The following MFAP1 variants were observed in gnomAD, a reference collection of about 807,000 sequenced individuals.
The protein encoded by MFAP1 is microfibrillar-associated protein 1.
In MFAP1, 18 loss-of-function variants were observed where a neutral mutation model predicts 62.2. The ratio of observed to expected loss-of-function variants is 0.29; its 90% confidence interval spans 0.20 to 0.43. The LOEUF is 0.43. Among genes scored for constraint, MFAP1 ranks in the 20% least tolerant of loss-of-function variants. MFAP1 has a pLI of 1.00. For synonymous variants in MFAP1, 175 were observed against 180.4 expected (o/e 0.97, Z 0.24); for missense variants, 355 against 559.7 (o/e 0.63, Z 3.69).
At chr15:43,822,200 C>CA (rs779775224) in intron 1 of MFAP1, among the ~76,000 whole-genome samples, 20,878 of 65,478 alleles carry the variant, frequency 0.32, 2,563 homozygotes, top group African/African-American at 0.45. Flanking sequence ...AACTCTTTCT[C>CA]AAAAAAAAAA....
rs543733792 is a variant in MFAP1, at chr15:43,818,000, T to A, written c.80-552A>T. On this transcript the variant is annotated intron_variant, in intron 1 of 8. Coordinates refer to ENST00000267812, the MANE Select transcript of MFAP1 (RefSeq NM_005926.3). ...TTATCAAACATGCAAGAGTATGTAATCTCTTACAAATACAATTCTTTTTTT... is the reference window on the plus strand; with the variant it reads ...TTATCAAACATGCAAGAGTATGTAAACTCTTACAAATACAATTCTTTTTTT... Among the ~76,000 whole-genome samples, 3 of 151,900 alleles carry A rather than the reference T, an allele frequency of 2.0e-5. No homozygotes were observed. The East Asian group carries it at 5.8e-4, about 29-fold the overall frequency.
rs142139435 is a variant in MFAP1 at position 43,823,982 on chromosome 15, CTCTA to C, written c.79+505_79+508del. Among the ~76,000 whole-genome samples the C allele has an allele frequency of 9.7e-3, 1,471 of 152,122 alleles. 18 individuals carry two copies. The highest frequency in any genetic ancestry group is 0.033 in the African/African-American group (1,372 of 41,506). ...GCACAATGCCCTGCCAACAGGCATT[CTCTA>C]TCTATCTATCTAGTCTGATATTATA... On this transcript the variant is annotated intron_variant, in intron 1 of 8. Transcript: ENST00000267812.
intron 2 of MFAP1, among the ~76,000 whole-genome samples, chr15:43,816,211 C>T (rs976470354): frequency 6.6e-6 from 1 of 151,432 alleles, no homozygotes; most frequent in African/African-American, 2.4e-5. Context: ...TTTTTCCCCC[C>T]TGGGCACTGT....
chr15:43,810,171 G>T (rs898470303), intron 6 of MFAP1: 12 of 354,566 alleles, frequency 3.4e-5, no homozygotes, highest in African/African-American at 2.3e-4. Flanking sequence ...ATTACTGCTG[G>T]GTTTTCCAAC....
Position 43,804,959 on chromosome 15 carries a change from A to T in MFAP1, c.*135T>A, listed in dbSNP as rs2087352936. ...ACAAAGCACCTTCAAAGTCTGGGCT[A>T]CCCAGTATCACAAGTATAGCAGTAA... On this transcript the variant is annotated 3_prime_UTR_variant, in exon 9 of 9. Transcript: ENST00000267812. The T allele has an allele frequency of 3.1e-6, 3 of 973,224 alleles. No homozygotes were observed. Among genetic ancestry groups the T allele is most frequent in the Non-Finnish European group, 4.5e-6 (3 of 662,338 alleles). The allele number at this position is 973,224 out of a possible 1,614,324, so 60.3% of individuals were successfully genotyped here.
At chr15:43,815,099 A>G in intron 2 of MFAP1, 25 bp from the exon 3 acceptor site, 1 of 1,613,466 alleles carries the variant, frequency 6.2e-7, no homozygotes, top group East Asian at 2.2e-5. Flanking sequence ...CTCCAAATGT[A>G]ACACCAATGT....
At chr15:43,814,443 C>T in intron 4 of MFAP1, 58 bp downstream of exon 4, 2 of 1,517,914 alleles carry the variant, frequency 1.3e-6, no homozygotes, top group Non-Finnish European at 1.8e-6. Flanking sequence ...AGACTTTTGT[C>T]TCCAGGCCTG....
chr15:43,820,188 C>T (rs747974015), intron 1 of MFAP1, among the ~76,000 whole-genome samples: 7 of 151,434 alleles, frequency 4.6e-5, no homozygotes, highest in Non-Finnish European at 1.0e-4. Context: ...TGTGGTGGCA[C>T]GCACCTGTAG....
intron 6 of MFAP1, chr15:43,810,217 CT>C: frequency 5.8e-5 from 15 of 259,824 alleles, no homozygotes; most frequent in East Asian, 7.2e-5. Flanking sequence ...GTCTTCTTAG[CT>C]TTAAAAAAAA....
intron 1 of MFAP1, among the ~76,000 whole-genome samples, chr15:43,817,728 C>G (rs1439332333): frequency 3.3e-5 from 5 of 151,538 alleles, no homozygotes; most frequent in Non-Finnish European, 7.4e-5. Context: ...AGAAAAAAGT[C>G]CCCCCCCAAA....
At chr15:43,810,623 T>C (rs1432136724) in intron 6 of MFAP1, among the ~76,000 whole-genome samples, 1 of 152,172 alleles carries the variant, frequency 6.6e-6, no homozygotes, top group East Asian at 1.9e-4. Context: ...CGCCTTGGCC[T>C]TCCAAAGTGT....
chr15:43,814,416 A>G, intron 4 of MFAP1, 85 bp downstream of exon 4: 1 of 1,449,106 alleles, frequency 6.9e-7, no homozygotes, highest in Non-Finnish European at 9.3e-7. Flanking sequence ...AGATTTCAGA[A>G]TAGCAAGACA....
At chr15:43,810,394 T>C (rs1342283436) in intron 6 of MFAP1, among the ~76,000 whole-genome samples, 2 of 150,584 alleles carry the variant, frequency 1.3e-5, no homozygotes, top group African/African-American at 4.9e-5. Context: ...TGAGATGGAG[T>C]CTTGCTCTGT....
chr15:43,808,626 T>C (rs1322975216), intron 7 of MFAP1, among the ~76,000 whole-genome samples: 4 of 152,250 alleles, frequency 2.6e-5, no homozygotes, highest in Non-Finnish European at 4.4e-5. Flanking sequence ...GTACAAGAAG[T>C]AGTTCATAAT....
At chr15:43,823,227 C>G (rs1008148992) in intron 1 of MFAP1, among the ~76,000 whole-genome samples, 1 of 151,606 alleles carries the variant, frequency 6.6e-6, no homozygotes, top group African/African-American at 2.4e-5. Flanking sequence ...CTCAAGCGAT[C>G]CTCCTGCCTC....
At chr15:43,820,393 C>G (rs899869523) in intron 1 of MFAP1, among the ~76,000 whole-genome samples, 3 of 152,062 alleles carry the variant, frequency 2.0e-5, no homozygotes, top group African/African-American at 7.2e-5. Context: ...CTAGTCAACA[C>G]TGTATTATGG....
chr15:43,809,322 TAAAAAAAAAATAACCA>T (rs1172022252), intron 7 of MFAP1, among the ~76,000 whole-genome samples: 75 of 91,232 alleles, frequency 8.2e-4, no homozygotes, highest in Non-Finnish European at 1.4e-3. Context: ...TACGAAAAAT[TAAAAAAAAAATAACCA>T]AAAAAAAAAA....
chr15:43,820,215 G>A (rs1300973064), intron 1 of MFAP1, among the ~76,000 whole-genome samples: 1 of 152,146 alleles, frequency 6.6e-6, no homozygotes, highest in East Asian at 1.9e-4. Flanking sequence ...CTACTCAAGA[G>A]GCTGAGGCAG....
At chr15:43,823,701 C>A (rs1287716427) in intron 1 of MFAP1, among the ~76,000 whole-genome samples, 2 of 152,136 alleles carry the variant, frequency 1.3e-5, no homozygotes, top group Non-Finnish European at 2.9e-5. Flanking sequence ...AACAAGGGGA[C>A]AACCACCTGC....
Sources: allele counts gnomAD v4.1 joint callset (sites outside exome capture counted in the v4.1 genomes callset), GRCh38; gene constraint gnomAD v4.1.1; transcripts MANE v1.5; gene names NCBI Gene and HGNC (gene_info 2026-07-23, HGNC 2026-07-21).